The following PDE4B variants were observed in gnomAD, a reference collection of about 807,000 sequenced individuals.
The protein encoded by PDE4B is phosphodiesterase 4B, also known as 3',5'-cyclic-AMP phosphodiesterase 4B.
PDE4B carries 20 observed loss-of-function variants against 82.2 expected under a neutral mutation model. The observed-to-expected ratio is 0.24, with a 90% CI of 0.17 to 0.35. The LOEUF is 0.35. Among genes scored for constraint, PDE4B ranks in the 10% least tolerant of loss-of-function variants. PDE4B has a pLI of 1.00. For missense variants in PDE4B, 655 were observed against 907.2 expected, an observed-to-expected ratio of 0.72 and a Z score of 3.57; for synonymous variants, 320 against 318.9, an observed-to-expected ratio of 1.00 and a Z score of -0.04.
At chr1:66,002,155 G>T (rs1651900587) in intron 3 of PDE4B, among the ~76,000 whole-genome samples, 1 of 151,866 alleles carries the variant, frequency 6.6e-6, no homozygotes, top group African/African-American at 2.4e-5. Context: ...GTATTGTCAA[G>T]TTTTTTTTAA....
At chr1:66,068,353 A>G (rs1181825051) in intron 3 of PDE4B, among the ~76,000 whole-genome samples, 1 of 151,982 alleles carries the variant, frequency 6.6e-6, no homozygotes, top group African/African-American at 2.4e-5. Flanking sequence ...TGTGTAGCAG[A>G]TATTAGAATT....
At chr1:65,988,510 T>A (rs1651070016) in intron 3 of PDE4B, among the ~76,000 whole-genome samples, 1 of 152,258 alleles carries the variant, frequency 6.6e-6, no homozygotes, top group East Asian at 1.9e-4. Flanking sequence ...TTTACTTGAA[T>A]AGAGTCTAAT....
intron 3 of PDE4B, among the ~76,000 whole-genome samples, chr1:66,055,071 T>C (rs919230957): frequency 2.0e-5 from 3 of 152,212 alleles, no homozygotes; most frequent in African/African-American, 7.2e-5. Context: ...AGTCTTGATT[T>C]TACTGATTTA....
intron 3 of PDE4B, among the ~76,000 whole-genome samples, chr1:65,982,381 T>C (rs1650734517): frequency 6.6e-6 from 1 of 152,122 alleles, no homozygotes; most frequent in Admixed American, 6.6e-5. Context: ...CAGACTACAT[T>C]GAAGAAGGAG....
chr1:66,359,781 G>A (rs1388048090), intron 9 of PDE4B, among the ~76,000 whole-genome samples: 3 of 152,206 alleles, frequency 2.0e-5, no homozygotes, highest in Non-Finnish European at 4.4e-5. Flanking sequence ...GTTATTAGGA[G>A]TAAAGTGACA....
intron 1 of PDE4B, among the ~76,000 whole-genome samples, chr1:65,816,955 G>A (rs1358093030): frequency 6.6e-6 from 1 of 152,194 alleles, no homozygotes; most frequent in Non-Finnish European, 1.5e-5. Context: ...TGATTCTTGT[G>A]CTCCAGACTT....
intron 3 of PDE4B, among the ~76,000 whole-genome samples, chr1:65,927,423 T>TTA (rs60745892): frequency 0.26 from 33,558 of 131,174 alleles, 5,415 homozygotes; most frequent in Middle Eastern, 0.35. Flanking sequence ...TAAATATGTA[T>TTA]TATATATAAT....
At chr1:66,087,057 A>C (rs1305476113) in intron 3 of PDE4B, among the ~76,000 whole-genome samples, 2 of 152,140 alleles carry the variant, frequency 1.3e-5, no homozygotes, top group Non-Finnish European at 2.9e-5. Context: ...AGACTAGTGG[A>C]TAAGTCTGTA....
intron 3 of PDE4B, among the ~76,000 whole-genome samples, chr1:66,204,148 G>A (rs1649316918): frequency 6.6e-6 from 1 of 152,220 alleles, no homozygotes; most frequent in Non-Finnish European, 1.5e-5. Flanking sequence ...AGCAGCGGTG[G>A]CTGCAGAACA....
chr1:66,326,936 T>C (rs1000844973), intron 7 of PDE4B, among the ~76,000 whole-genome samples: 5 of 152,194 alleles, frequency 3.3e-5, no homozygotes, highest in African/African-American at 4.8e-5. Context: ...CTGTGCCTAC[T>C]TTTCCAAGAG....
chr1:65,935,556 TAAA>T (rs1205785219), intron 3 of PDE4B, among the ~76,000 whole-genome samples: 4 of 152,176 alleles, frequency 2.6e-5, no homozygotes, highest in African/African-American at 9.7e-5. Context: ...TTTTCTTCAA[TAAA>T]AAATTAATCT....
At chr1:66,360,217 A>G (rs1380271392) in intron 9 of PDE4B, among the ~76,000 whole-genome samples, 1 of 152,204 alleles carries the variant, frequency 6.6e-6, no homozygotes. Flanking sequence ...AGCAAAAGTC[A>G]TAGGCTTGTG....
chr1:65,807,331 C>T (rs978461301), intron 1 of PDE4B, among the ~76,000 whole-genome samples: 5 of 152,150 alleles, frequency 3.3e-5, no homozygotes, highest in South Asian at 2.1e-4. Context: ...GTAAAAAAAT[C>T]GATTTCTCGC....
chr1:66,228,399 C>T (rs543785574), intron 3 of PDE4B, among the ~76,000 whole-genome samples: 20 of 152,158 alleles, frequency 1.3e-4, no homozygotes, highest in East Asian at 1.9e-4. Context: ...CCAAGGCGGG[C>T]GGATCACGAG....
At chr1:66,055,297 T>C (rs1285924182) in intron 3 of PDE4B, among the ~76,000 whole-genome samples, 2 of 152,224 alleles carry the variant, frequency 1.3e-5, no homozygotes, top group Non-Finnish European at 2.9e-5. Context: ...GTAACGCTTA[T>C]CAGGTGAGTT....
intron 3 of PDE4B, among the ~76,000 whole-genome samples, chr1:66,089,475 G>A (rs990492582): frequency 6.6e-6 from 1 of 152,008 alleles, no homozygotes; most frequent in African/African-American, 2.4e-5. Flanking sequence ...AGGACTGAGT[G>A]GTCATGCTGA....
chr1:66,161,433 GGTTT>G lies in PDE4B; in HGVS notation c.282-86026_282-86023del, dbSNP rs1646611158. 2.0e-5 allele frequency among the ~76,000 whole-genome samples: 3 copies of G among 151,946 alleles called. No individual in the cohort carries two copies. The South Asian group carries it at 6.2e-4, about 32-fold the overall frequency. On this transcript the variant is annotated intron_variant, in intron 3 of 16. Transcript: ENST00000341517. ...ATAATCTTACCCTAAATGCATTTCT[GGTTT>G]AATACTCAATTCTTTGTAAAAGAAA... is the stretch of plus-strand genomic sequence containing the variant.
chr1:65,848,436 G>A (rs1385209333), intron 1 of PDE4B, among the ~76,000 whole-genome samples: 1 of 139,572 alleles, frequency 7.2e-6, no homozygotes, highest in Admixed American at 7.5e-5. Flanking sequence ...AAGCCACCAC[G>A]CCTGGCCCAG....
chr1:65,878,639 C>A (rs1171689413), intron 1 of PDE4B, among the ~76,000 whole-genome samples: 1 of 152,064 alleles, frequency 6.6e-6, no homozygotes, highest in Non-Finnish European at 1.5e-5. Flanking sequence ...GAACAGAAAA[C>A]CAAACACTGC....
Sources: gnomAD v4.1 joint callset for allele counts (sites outside exome capture counted in the v4.1 genomes callset) on GRCh38, gnomAD v4.1.1 for gene constraint, MANE v1.5 for transcripts, NCBI Gene and HGNC (gene_info 2026-07-23, HGNC 2026-07-21) for gene names.